Variants in COL21A1 observed in about 807,000 individuals in gnomAD.
COL21A1 encodes collagen type XXI alpha 1 chain, also known as collagen alpha-1(XXI) chain.
COL21A1 carries 149 observed loss-of-function variants against 137.9 expected under a neutral mutation model. That is an observed-to-expected ratio of 1.08 (90% CI 0.95 to 1.24). The LOEUF is 1.24. COL21A1 is among the 50% of genes most tolerant of loss of function. COL21A1 has a pLI of 0.00. For synonymous variants in COL21A1, 456 were observed against 391.5 expected (o/e 1.16, Z -1.95); for missense variants, 1,167 against 1,158.4 (o/e 1.01, Z -0.11).
chr6:56,109,482 C>T (rs1039556446), intron 16 of COL21A1, among the ~76,000 whole-genome samples: 22 of 151,746 alleles, frequency 1.4e-4, no homozygotes, highest in African/African-American at 5.3e-4. Flanking sequence ...GAGAGTGAAG[C>T]TTATTATTAT....
At chr6:56,222,400 A>C (rs774266961) in intron 1 of COL21A1, among the ~76,000 whole-genome samples, 4 of 152,150 alleles carry the variant, frequency 2.6e-5, no homozygotes, top group Non-Finnish European at 5.9e-5. Context: ...TCACATGATA[A>C]TGGTGGTTAT....
intron 1 of COL21A1, among the ~76,000 whole-genome samples, chr6:56,297,052 C>A (rs1486075472): frequency 6.6e-6 from 1 of 151,982 alleles, no homozygotes; most frequent in African/African-American, 2.4e-5. Flanking sequence ...GTAGCTTTAT[C>A]ATAATAGTCT....
chr6:56,059,293 A>G (rs1765592933), intron 28 of COL21A1, 51 bp from the exon 29 acceptor site: 9 of 1,266,124 alleles, frequency 7.1e-6, no homozygotes, highest in Non-Finnish European at 8.8e-6. Flanking sequence ...ACTGCCTTCT[A>G]GATTGTTTCA....
chr6:56,105,415 T>C (rs866977021), intron 16 of COL21A1, among the ~76,000 whole-genome samples: 1 of 152,310 alleles, frequency 6.6e-6, no homozygotes, highest in Middle Eastern at 3.4e-3. Flanking sequence ...GGCTATATTA[T>C]TTTCAAATAA....
chr6:56,288,866 G>C (rs952646541), intron 1 of COL21A1, among the ~76,000 whole-genome samples: 1 of 152,188 alleles, frequency 6.6e-6, no homozygotes, highest in Admixed American at 6.5e-5. Context: ...TGATTTTAAA[G>C]TTCTGACCTG....
intron 1 of COL21A1, among the ~76,000 whole-genome samples, chr6:56,356,471 T>C (rs950456364): frequency 1.3e-5 from 2 of 152,204 alleles, no homozygotes; most frequent in Non-Finnish European, 2.9e-5. Flanking sequence ...TTCTACCCAA[T>C]GTCTTCACAT....
chr6:56,084,603 T>A (rs1768069908), intron 17 of COL21A1, among the ~76,000 whole-genome samples: 1 of 152,006 alleles, frequency 6.6e-6, no homozygotes. Context: ...TAGATAAAAC[T>A]AATAAAATGT....
intron 9 of COL21A1, 91 bp from the exon 10 acceptor site, chr6:56,157,040 A>T: frequency 1.3e-6 from 1 of 794,570 alleles, no homozygotes; most frequent in Non-Finnish European, 2.0e-6. Context: ...CAATTCCATT[A>T]TTTGAGGTTT....
At chr6:56,270,508 C>T (rs1295541626) in intron 1 of COL21A1, among the ~76,000 whole-genome samples, 3 of 152,184 alleles carry the variant, frequency 2.0e-5, no homozygotes, top group Admixed American at 6.5e-5. Flanking sequence ...AGACAGACCA[C>T]TGAGGCAGAA....
intron 1 of COL21A1, among the ~76,000 whole-genome samples, chr6:56,256,163 C>A (rs1484432109): frequency 2.0e-5 from 3 of 152,128 alleles, no homozygotes; most frequent in Non-Finnish European, 4.4e-5. Flanking sequence ...AGGTTAAAGA[C>A]CAGGCTAAAA....
intron 1 of COL21A1, among the ~76,000 whole-genome samples, chr6:56,265,818 T>C (rs935356135): frequency 3.9e-5 from 6 of 152,222 alleles, no homozygotes; most frequent in African/African-American, 1.4e-4. Flanking sequence ...TCCTAGATAG[T>C]TTGAAAACAT....
At chr6:56,350,670 T>C (rs1765692564) in intron 1 of COL21A1, among the ~76,000 whole-genome samples, 1 of 152,164 alleles carries the variant, frequency 6.6e-6, no homozygotes, top group Non-Finnish European at 1.5e-5. Context: ...TGGGGATCTA[T>C]TAATAGAAGA....
chr6:56,238,049 A>T (rs1030493794), intron 1 of COL21A1, among the ~76,000 whole-genome samples: 1 of 152,130 alleles, frequency 6.6e-6, no homozygotes, highest in African/African-American at 2.4e-5. Context: ...CACAGTTTTG[A>T]GGAGAACATA....
At chr6:56,355,198 A>G (rs1765803114) in intron 1 of COL21A1, among the ~76,000 whole-genome samples, 1 of 152,234 alleles carries the variant, frequency 6.6e-6, no homozygotes, top group Non-Finnish European at 1.5e-5. Context: ...AGCTTAAGAT[A>G]GAAGTACTGA....
At chr6:56,240,300 G>A (rs186578672) in intron 1 of COL21A1, among the ~76,000 whole-genome samples, 1 of 152,120 alleles carries the variant, frequency 6.6e-6, no homozygotes, top group Admixed American at 6.5e-5. Context: ...CACCATGTGA[G>A]GATGCAGTGT....
chr6:56,125,011 C>CTTTTTTTT (rs70986773), intron 14 of COL21A1, among the ~76,000 whole-genome samples: 2 of 54,842 alleles, frequency 3.6e-5, no homozygotes, highest in Non-Finnish European at 6.2e-5. Context: ...ATCTGTAAAT[C>CTTTTTTTT]TTTTTTTTTT....
At chr6:56,062,705 T>A (rs1765912064) in intron 24 of COL21A1, among the ~76,000 whole-genome samples, 1 of 152,146 alleles carries the variant, frequency 6.6e-6, no homozygotes, top group African/African-American at 2.4e-5. Flanking sequence ...AAACACCAAA[T>A]ATTTAGTTTT....
chr6:56,139,845 G>C (rs1561908710), intron 12 of COL21A1, among the ~76,000 whole-genome samples: 1 of 151,946 alleles, frequency 6.6e-6, no homozygotes. Context: ...GAGGACAATG[G>C]GAAAGTGAGG....
intron 1 of COL21A1, among the ~76,000 whole-genome samples, chr6:56,236,640 T>G (rs1781921158): frequency 6.6e-6 from 1 of 152,076 alleles, no homozygotes; most frequent in Admixed American, 6.6e-5. Flanking sequence ...TCTTCCACAG[T>G]GCTTACCTCT....
Sources: allele counts gnomAD v4.1 joint callset (sites outside exome capture counted in the v4.1 genomes callset), GRCh38; gene constraint gnomAD v4.1.1; transcripts MANE v1.5; gene names NCBI Gene and HGNC (gene_info 2026-07-23, HGNC 2026-07-21).